Variants in PCDHA7 observed in about 807,000 individuals in gnomAD.
PCDHA7 encodes the protein protocadherin alpha 7.
PCDHA7 carries 37 observed loss-of-function variants against 57.2 expected under a neutral mutation model. The observed-to-expected ratio is 0.65, with a 90% CI of 0.50 to 0.85. The LOEUF is 0.85. PCDHA7 is among the 40% of genes least tolerant of loss of function. The pLI, the probability that PCDHA7 is intolerant of heterozygous loss-of-function variation, is 0.00. For missense variants in PCDHA7, 1,188 were observed against 1,241.8 expected (o/e 0.96, Z 0.65); for synonymous variants, 553 against 558.8 (o/e 0.99, Z 0.15).
chr5:140,993,346 G>A (rs2097551194), intron 3 of PCDHA7, among the ~76,000 whole-genome samples: 2 of 151,820 alleles, frequency 1.3e-5, no homozygotes, highest in Non-Finnish European at 1.5e-5. Context: ...AGGGCACTAC[G>A]AAGATCCTCA....
At chr5:141,001,223 A>G (rs1349302343) in intron 3 of PCDHA7, among the ~76,000 whole-genome samples, 6 of 152,228 alleles carry the variant, frequency 3.9e-5, no homozygotes, top group Non-Finnish European at 8.8e-5. Context: ...AAGGATAGTT[A>G]CATTTAATCT....
At chr5:140,884,104 G>C in intron 1 of PCDHA7, 1 of 1,613,464 alleles carries the variant, frequency 6.2e-7, no homozygotes, top group African/African-American at 1.3e-5. Flanking sequence ...ATGAATTGCA[G>C]CTGGCGGCGG....
Position 140,836,364 on chromosome 5 carries a change from G to A in PCDHA7, c.1981G>A (p.Ala661Thr), listed in dbSNP as rs1774415317. 6.2e-7 allele frequency: 1 copy of A among 1,613,596 alleles called. No homozygotes were observed. The highest frequency in any genetic ancestry group is 1.7e-5 in the Admixed American group (1 of 59,996). ...VKDHGEPSLT[A>T]TATVLVSLVE... Reference sequence around the variant, plus strand: ...GGACCACGGGGAGCCCTCGCTGACAGCCACAGCCACCGTGCTGGTGTCGCT... The same window carrying A: ...GGACCACGGGGAGCCCTCGCTGACAACCACAGCCACCGTGCTGGTGTCGCT... The change falls in exon 1 of 4, where the codon GCC (alanine) becomes ACC (threonine). Residue 661 changes from alanine (A) to threonine (T), a missense_variant. Ala to Thr is a moderately conservative substitution (Grantham distance 58). This residue lies in a region of PCDHA7 where 892 missense variants were observed against 788.5 expected (regional missense o/e 1.13). Coordinates refer to ENST00000525929, the MANE Select transcript of PCDHA7 (RefSeq NM_018910.3).
At chr5:140,896,346 G>T (rs1466880160) in intron 1 of PCDHA7, among the ~76,000 whole-genome samples, 18 of 151,992 alleles carry the variant, frequency 1.2e-4, no homozygotes, top group Non-Finnish European at 2.5e-4. Flanking sequence ...TTATATTCCC[G>T]CCAGCAGTGT....
Position 140,843,523 on chromosome 5 carries a change from G to A in PCDHA7, c.2355+6785G>A, listed in dbSNP as rs200202372. ...TGCCCACTGAGGGCGGGTGCCGGGCGGGCAAGCCCACTCTGGTGTGCTCCA... is the reference window on the plus strand; with the variant it reads ...TGCCCACTGAGGGCGGGTGCCGGGCAGGCAAGCCCACTCTGGTGTGCTCCA... On this transcript the variant is annotated intron_variant, in intron 1 of 3. Coordinates refer to ENST00000525929, the MANE Select transcript of PCDHA7 (RefSeq NM_018910.3). 1.7e-4 allele frequency: 278 copies of A among 1,595,788 alleles called. 33 individuals carry two copies. The highest frequency in any genetic ancestry group is 2.3e-4 in the Non-Finnish European group (265 of 1,165,554).
At position 140,858,590 on chromosome 5, in the gene PCDHA7, C is replaced by T. The variant is rs781927983; in HGVS notation, c.2355+21852C>T. 16 of 1,324,580 alleles carry T rather than the reference C, an allele frequency of 1.2e-5. No homozygotes were observed. In the South Asian group the frequency reaches 2.3e-4, roughly 19 times the overall value. The allele number at this position is 1,324,580 out of a possible 1,614,324, so 82.1% of individuals were successfully genotyped here. A position where few individuals can be genotyped will look rare whatever the true frequency, so the allele number is the denominator to read the frequency against. ...TGATACCTTTGTAATATAATTTATTCCAGGAGTTTTAAAATTTTTTTATCC... is the reference window on the plus strand; with the variant it reads ...TGATACCTTTGTAATATAATTTATTTCAGGAGTTTTAAAATTTTTTTATCC... On this transcript the variant is annotated intron_variant, in intron 1 of 3. Transcript: ENST00000525929.
At chr5:140,878,899 G>T (rs1301967468) in intron 1 of PCDHA7, among the ~76,000 whole-genome samples, 2 of 152,152 alleles carry the variant, frequency 1.3e-5, no homozygotes, top group Non-Finnish European at 2.9e-5. Context: ...CTACAGGCAG[G>T]CTCCACCACT....
At chr5:140,951,741 C>A (rs1490111006) in intron 1 of PCDHA7, among the ~76,000 whole-genome samples, 3 of 152,062 alleles carry the variant, frequency 2.0e-5, no homozygotes, top group Non-Finnish European at 4.4e-5. Flanking sequence ...CTGCCACTGC[C>A]CTCACCCTCC....
intron 1 of PCDHA7, chr5:140,857,268 T>C (rs1554149751): frequency 3.1e-6 from 5 of 1,598,704 alleles, no homozygotes; most frequent in Non-Finnish European, 3.4e-6. Flanking sequence ...TACTCATTGG[T>C]GCTGGACAGC....
intron 3 of PCDHA7, among the ~76,000 whole-genome samples, chr5:140,994,753 G>A (rs143791883): frequency 1.1e-4 from 16 of 152,252 alleles, no homozygotes; most frequent in African/African-American, 3.9e-4. Context: ...AGTAGGATGT[G>A]GAGAGGAAGA....
chr5:140,875,952 G>A (rs782164384), intron 1 of PCDHA7: 2 of 1,614,102 alleles, frequency 1.2e-6, no homozygotes, highest in South Asian at 2.2e-5. Flanking sequence ...CTTCTGATGC[G>A]GATATCGGCG....
intron 1 of PCDHA7, among the ~76,000 whole-genome samples, chr5:140,953,801 T>C (rs2094937379): frequency 6.6e-6 from 1 of 152,204 alleles, no homozygotes; most frequent in Non-Finnish European, 1.5e-5. Flanking sequence ...ACTTTTAAGT[T>C]CTGAGGTGCA....
intron 1 of PCDHA7, among the ~76,000 whole-genome samples, chr5:140,950,299 C>T (rs246045): frequency 0.56 from 85,681 of 151,798 alleles, 24,780 homozygotes; most frequent in African/African-American, 0.69. Context: ...AAAAACTTTA[C>T]TTAGCAGTTT....
Position 140,869,973 on chromosome 5 carries a change from C to T in PCDHA7, c.2355+33235C>T, listed in dbSNP as rs782664221. The stretch of plus-strand genomic sequence containing the variant: ...TGTCAATTAAGCCCAATGGAAGACA[C>T]TTATTTACACTAGATCAAAATAATG... On this transcript the variant is annotated intron_variant, in intron 1 of 3. Coordinates refer to ENST00000525929, the MANE Select transcript of PCDHA7 (RefSeq NM_018910.3). 3.0e-5 allele frequency: 48 copies of T among 1,613,102 alleles called. No individual in the cohort carries two copies. In the East Asian group the frequency reaches 1.0e-3, roughly 34 times the overall value.
At chr5:141,001,975 G>C (rs900969211) in intron 3 of PCDHA7, among the ~76,000 whole-genome samples, 8 of 152,184 alleles carry the variant, frequency 5.3e-5, no homozygotes, top group African/African-American at 1.9e-4. Flanking sequence ...GTCTCTGCGC[G>C]GAAAGCCTGG....
intron 1 of PCDHA7, among the ~76,000 whole-genome samples, chr5:140,959,741 C>T (rs1415934970): frequency 6.6e-6 from 1 of 152,068 alleles, no homozygotes; most frequent in Admixed American, 6.6e-5. Flanking sequence ...CATCAAAATG[C>T]CTTAAAGTAT....
rs868916626 is a variant in PCDHA7, at chr5:140,946,629, T to C, written c.2356-32320T>C. 3.4e-3 allele frequency among the ~76,000 whole-genome samples: 415 copies of C among 123,330 alleles called. 16 individuals carry two copies. The highest frequency in any genetic ancestry group is 0.017 in the Middle Eastern group (4 of 240). The allele number at this position is 123,330 out of a possible 152,430, so 80.9% of individuals were successfully genotyped here. On this transcript the variant is annotated intron_variant, in intron 1 of 3. Coordinates refer to ENST00000525929, the MANE Select transcript of PCDHA7 (RefSeq NM_018910.3). ...AATGTGAAATATATATATATATATATATACAATGGAATACTCATCAGCCAT... is the reference window on the plus strand; with the variant it reads ...AATGTGAAATATATATATATATATACATACAATGGAATACTCATCAGCCAT...
chr5:140,967,251 CG>C, intron 1 of PCDHA7: 1 of 1,613,410 alleles, frequency 6.2e-7, no homozygotes, highest in Non-Finnish European at 8.5e-7. Flanking sequence ...GAATCGGTGG[CG>C]CCTGGAGCGC....
chr5:140,876,456 TTCC>T, intron 1 of PCDHA7: 1 of 1,614,050 alleles, frequency 6.2e-7, no homozygotes, highest in Non-Finnish European at 8.5e-7. Flanking sequence ...AAGGGATTCC[TTCC>T]ATGGCAGGTC....
Sources: allele counts gnomAD v4.1 joint callset (sites outside exome capture counted in the v4.1 genomes callset), GRCh38; gene constraint gnomAD v4.1.1; regional missense constraint gnomAD v4.1.1; transcripts MANE v1.5; gene names NCBI Gene and HGNC (gene_info 2026-07-23, HGNC 2026-07-21).